The following SNTG2 variants were observed in gnomAD, a reference collection of about 807,000 sequenced individuals.
SNTG2 encodes gamma-2-syntrophin.
A neutral mutation model predicts 70.9 loss-of-function variants in SNTG2; 74 were observed. That is an observed-to-expected ratio of 1.04 (90% CI 0.86 to 1.27). The LOEUF is 1.27. SNTG2 is among the 50% of genes most tolerant of loss of function. The pLI is 0.00. For missense variants in SNTG2, 717 were observed against 690.7 expected (o/e 1.04, Z -0.43); for synonymous variants, 278 against 273.8 (o/e 1.02, Z -0.15).
chr2:1,266,342 G>A (rs561345854), intron 13 of SNTG2, among the ~76,000 whole-genome samples: 2 of 152,298 alleles, frequency 1.3e-5, no homozygotes, highest in Admixed American at 1.3e-4. Flanking sequence ...GTGCAACCTT[G>A]CAGATGGGGG....
At chr2:1,192,673 T>C (rs2147943709) in intron 8 of SNTG2, among the ~76,000 whole-genome samples, 1 of 152,248 alleles carries the variant, frequency 6.6e-6, no homozygotes, top group East Asian at 1.9e-4. Context: ...GAGCTTGCGT[T>C]AATCAGTTGT....
At chr2:1,257,594 T>G (rs9330335) in intron 12 of SNTG2, among the ~76,000 whole-genome samples, 49,944 of 152,108 alleles carry the variant, frequency 0.33, 9,698 homozygotes, top group African/African-American at 0.55. Context: ...TCTTAGAACA[T>G]GACTCAAATC....
At position 996,673 on chromosome 2, in the gene SNTG2, GTTTTTTTTTTTT is replaced by G; in HGVS notation, c.72+45625_72+45636del. ...ATATTGCTTGTATTTGAGTTACCCA[GTTTTTTTTTTTT>G]TTTTTTTTTTTTTTTTTTTACTACC... On this transcript the variant is annotated intron_variant, in intron 1 of 16. Transcript: ENST00000308624. 4.0e-3 allele frequency among the ~76,000 whole-genome samples: 139 copies of G among 35,106 alleles called. 5 individuals carry two copies. In the East Asian group the frequency reaches 0.15, roughly 37 times the overall value. 23.0% of individuals were successfully genotyped at this position (35,106 alleles called of 152,430 possible).
intron 1 of SNTG2, among the ~76,000 whole-genome samples, chr2:991,435 G>C (rs1428324572): frequency 6.7e-6 from 1 of 148,440 alleles, no homozygotes; most frequent in African/African-American, 2.5e-5. Flanking sequence ...AGAATGACAA[G>C]GCAGGCTATA....
chr2:1,021,041 C>A (rs2148011119), intron 1 of SNTG2, among the ~76,000 whole-genome samples: 1 of 152,142 alleles, frequency 6.6e-6, no homozygotes, highest in Admixed American at 6.5e-5. Context: ...CACTGTGGTT[C>A]CTCTTAAAAT....
intron 15 of SNTG2, among the ~76,000 whole-genome samples, chr2:1,314,385 A>G (rs2148260227): frequency 6.6e-6 from 1 of 152,368 alleles, no homozygotes; most frequent in South Asian, 2.1e-4. Context: ...AAGGGGCTGA[A>G]GTCACAGCCT....
intron 6 of SNTG2, among the ~76,000 whole-genome samples, chr2:1,149,382 T>C (rs1669314615): frequency 6.6e-6 from 1 of 151,960 alleles, no homozygotes; most frequent in South Asian, 2.1e-4. Context: ...GGATTGTGAA[T>C]AGGATTAGAA....
At chr2:1,191,280 A>G (rs1254596560) in intron 8 of SNTG2, among the ~76,000 whole-genome samples, 1 of 152,132 alleles carries the variant, frequency 6.6e-6, no homozygotes, top group Non-Finnish European at 1.5e-5. Context: ...TTTTACTAGG[A>G]ATAGATTTAG....
At chr2:1,255,670 A>G (rs1478911108) in intron 12 of SNTG2, among the ~76,000 whole-genome samples, 2 of 151,742 alleles carry the variant, frequency 1.3e-5, no homozygotes, top group Admixed American at 6.6e-5. Context: ...TGGCACAAAC[A>G]CACTAGGAGT....
chr2:1,176,517 G>T (rs1239543038), intron 8 of SNTG2, among the ~76,000 whole-genome samples: 2 of 150,698 alleles, frequency 1.3e-5, no homozygotes, highest in Admixed American at 1.3e-4. Context: ...TAATTAAAGA[G>T]CTTCTGCACA....
At chr2:1,312,845 A>G (rs1340469916) in intron 15 of SNTG2, among the ~76,000 whole-genome samples, 2 of 152,332 alleles carry the variant, frequency 1.3e-5, no homozygotes, top group East Asian at 3.9e-4. Context: ...GAGAGGAACA[A>G]AAAGATCAGT....
intron 9 of SNTG2, among the ~76,000 whole-genome samples, chr2:1,217,746 ACAT>A (rs1292185012): frequency 6.6e-6 from 1 of 152,202 alleles, no homozygotes; most frequent in African/African-American, 2.4e-5. Flanking sequence ...CATTTCTCTG[ACAT>A]CAGGTGAAGA....
intron 6 of SNTG2, among the ~76,000 whole-genome samples, chr2:1,146,170 CT>C (rs1669089434): frequency 6.6e-6 from 1 of 152,092 alleles, no homozygotes; most frequent in East Asian, 1.9e-4. Context: ...CTCATCAGTT[CT>C]TTTCAACACC....
At chr2:1,307,641 T>C (rs994374920) in intron 14 of SNTG2, among the ~76,000 whole-genome samples, 2 of 152,216 alleles carry the variant, frequency 1.3e-5, no homozygotes, top group African/African-American at 2.4e-5. Flanking sequence ...GGGAACATTT[T>C]ACCCGCAGAT....
intron 1 of SNTG2, among the ~76,000 whole-genome samples, chr2:960,098 T>C (rs1185229803): frequency 6.6e-6 from 1 of 152,202 alleles, no homozygotes; most frequent in Non-Finnish European, 1.5e-5. Flanking sequence ...CTTAAGGTTC[T>C]TCTGTATCAG....
rs970667756 is a variant in SNTG2, at chr2:1,353,018, G to A, written c.1489-14325G>A. On this transcript the variant is annotated intron_variant, in intron 16 of 16. Coordinates refer to ENST00000308624, the MANE Select transcript of SNTG2 (RefSeq NM_018968.4). The surrounding 1 kb of genome is among the most constrained non-coding windows in gnomAD (Gnocchi z 4.2). The stretch of plus-strand genomic sequence containing the variant: ...TGCCTCACAAAGACATCACCTCCCG[G>A]CTGCACAGTTGCCCAGCGTGTTCCT... Among the ~76,000 whole-genome samples the A allele has an allele frequency of 2.0e-5, 3 of 152,094 alleles. No homozygotes were observed. The highest frequency in any genetic ancestry group is 4.4e-5 in the Non-Finnish European group (3 of 67,994).
intron 16 of SNTG2, among the ~76,000 whole-genome samples, chr2:1,356,185 A>G (rs553107030): frequency 6.6e-6 from 1 of 152,000 alleles, no homozygotes; most frequent in Non-Finnish European, 1.5e-5. Flanking sequence ...GAAGCTTTTC[A>G]GTTGACGTGG....
At chr2:965,769 C>T (rs1421596175) in intron 1 of SNTG2, among the ~76,000 whole-genome samples, 1 of 152,080 alleles carries the variant, frequency 6.6e-6, no homozygotes, top group Non-Finnish European at 1.5e-5. Context: ...CAGCTGGGCC[C>T]CCTACAGTCT....
intron 15 of SNTG2, among the ~76,000 whole-genome samples, chr2:1,310,127 T>G (rs557441941): frequency 6.6e-6 from 1 of 152,360 alleles, no homozygotes; most frequent in Non-Finnish European, 1.5e-5. Context: ...CCAGGCAATC[T>G]GAAAGGAGAA....
Sources: allele counts gnomAD v4.1 joint callset (sites outside exome capture counted in the v4.1 genomes callset), GRCh38; gene constraint gnomAD v4.1.1; non-coding constraint Gnocchi (gnomAD v3.1); transcripts MANE v1.5; gene names NCBI Gene and HGNC (gene_info 2026-07-23, HGNC 2026-07-21).